OSBP: variants seen among roughly 807,000 people sequenced by gnomAD.
OSBP encodes oxysterol binding protein, also known as oxysterol-binding protein 1.
A neutral mutation model predicts 96.6 loss-of-function variants in OSBP; 32 were observed. The ratio of observed to expected loss-of-function variants is 0.33; its 90% CI spans 0.25 to 0.45. OSBP has a LOEUF of 0.45. Among genes scored for constraint, OSBP ranks in the 20% least tolerant of loss-of-function variants. OSBP has a pLI of 1.00. For missense variants in OSBP, 653 were observed against 1,029.7 expected (o/e 0.63, Z 5.01); for synonymous variants, 369 against 389.6 (o/e 0.95, Z 0.62).
At chr11:59,592,418 A>G (rs1483101303) in intron 9 of OSBP, among the ~76,000 whole-genome samples, 5 of 152,228 alleles carry the variant, frequency 3.3e-5, no homozygotes, top group Non-Finnish European at 1.5e-5. Context: ...AGGTGAATTC[A>G]TTAAAGAAGC....
At position 59,591,774 on chromosome 11, in the gene OSBP, C is replaced by A. The variant is rs182523348; in HGVS notation, c.1678+1830G>T. 1.8e-3 allele frequency among the ~76,000 whole-genome samples: 277 copies of A among 152,210 alleles called. 3 individuals carry two copies. The East Asian group carries it at 0.045, about 25-fold the overall frequency. ...TAGCTGGGATTACAGGCACCCACCA[C>A]CACGCCTGGCTAATTTTTGTATTTT... On this transcript the variant is annotated intron_variant, in intron 9 of 13. Transcript: ENST00000263847.
rs568200175 is a variant in OSBP at position 59,601,014 on chromosome 11, G to C, written c.1125-141C>G. ...GATCAAATGACGACATTTAGAGTAG[G>C]AATGAATTTAAGTATCTCTGGAGAA... On this transcript the variant is annotated intron_variant, in intron 5 of 13. Transcript: ENST00000263847. 2.2e-5 allele frequency: 15 copies of C among 690,504 alleles called. No homozygotes were observed. The African/African-American group carries it at 2.2e-4, about 10-fold the overall frequency. 42.8% of individuals were successfully genotyped at this position (690,504 alleles called of 1,614,324 possible). A position where few individuals can be genotyped will look rare whatever the true frequency, so the allele number is the denominator to read the frequency against.
At chr11:59,597,203 C>T (rs918439976) in intron 7 of OSBP, among the ~76,000 whole-genome samples, 9 of 151,918 alleles carry the variant, frequency 5.9e-5, no homozygotes, top group Non-Finnish European at 1.3e-4. Flanking sequence ...GGATTACAGA[C>T]GCGCGCCAAC....
In OSBP at chr11:59,615,222, G is replaced by T; in HGVS notation, c.362+81C>A. 4.8e-6 allele frequency: 6 copies of T among 1,239,100 alleles called. No individual in the cohort carries two copies. In the South Asian group the frequency reaches 6.2e-5, roughly 13 times the overall value. 76.8% of individuals were successfully genotyped at this position (1,239,100 alleles called of 1,614,324 possible). A position where few individuals can be genotyped will look rare whatever the true frequency, so the allele number is the denominator to read the frequency against. ...CTGGGGCAACCCTGGCTGCGGTGCCGGCTGGCGGTAATGCCGGAGCTGGGA... is the reference window on the plus strand; with the variant it reads ...CTGGGGCAACCCTGGCTGCGGTGCCTGCTGGCGGTAATGCCGGAGCTGGGA... On this transcript the variant is annotated intron_variant, in intron 1 of 13. Transcript: ENST00000263847.
rs1471509967 is a variant in OSBP, at chr11:59,576,269, G to A, written c.*308C>T. On this transcript the variant is annotated 3_prime_UTR_variant, in exon 14 of 14. Transcript: ENST00000263847. The stretch of plus-strand genomic sequence containing the variant: ...GGTGAGTGACATTGTCTTAAATGGG[G>A]GCAGAGGGAGAAAGAAGAGCCAAGA... The A allele has an allele frequency of 3.3e-5, 9 of 273,688 alleles. No individual in the cohort carries two copies. In the Admixed American group the frequency reaches 3.9e-4, roughly 12 times the overall value. 17.0% of individuals were successfully genotyped at this position (273,688 alleles called of 1,614,324 possible).
chr11:59,583,644 T>G lies in OSBP; in HGVS notation c.1679-2090A>C, dbSNP rs532245000. Among the ~76,000 whole-genome samples, 840 of 136,128 alleles carry G rather than the reference T, an allele frequency of 6.2e-3. 1 individual carries two copies. The highest frequency in any genetic ancestry group is 8.4e-3 in the Non-Finnish European group (545 of 64,562). 89.3% of individuals were successfully genotyped at this position (136,128 alleles called of 152,430 possible). On this transcript the variant is annotated intron_variant, in intron 9 of 13. Transcript: ENST00000263847. ...ATATTCTAAATCTCTGTTTTTTTTTTTTTTTTTTTTTTTTTTCGAGATGGA... is the reference window on the plus strand; with the variant it reads ...ATATTCTAAATCTCTGTTTTTTTTTGTTTTTTTTTTTTTTTTCGAGATGGA...
chr11:59,600,108 TTGTC>T (rs1860702789), intron 7 of OSBP, among the ~76,000 whole-genome samples: 1 of 152,190 alleles, frequency 6.6e-6, no homozygotes, highest in Non-Finnish European at 1.5e-5. Flanking sequence ...CCCTAAGCCT[TTGTC>T]TGTGTCGTAC....
chr11:59,592,578 C>A (rs1860598658), intron 9 of OSBP, among the ~76,000 whole-genome samples: 1 of 152,154 alleles, frequency 6.6e-6, no homozygotes, highest in Non-Finnish European at 1.5e-5. Flanking sequence ...GCTTTGATCT[C>A]TTTTTGTAGA....
intron 1 of OSBP, among the ~76,000 whole-genome samples, chr11:59,614,015 G>T (rs1027369546): frequency 1.3e-5 from 2 of 152,144 alleles, no homozygotes; most frequent in African/African-American, 4.8e-5. Context: ...AGTGTTTTGG[G>T]TCTCAAAGAG....
At chr11:59,613,455 GA>G (rs1178770464) in intron 1 of OSBP, among the ~76,000 whole-genome samples, 1 of 152,212 alleles carries the variant, frequency 6.6e-6, no homozygotes, top group African/African-American at 2.4e-5. Context: ...CTGGAAAGTG[GA>G]TCCGGTAAGA....
intron 9 of OSBP, among the ~76,000 whole-genome samples, chr11:59,587,439 T>C (rs1296933511): frequency 2.6e-5 from 4 of 151,424 alleles, no homozygotes; most frequent in Non-Finnish European, 4.4e-5. Context: ...GAGGTGGAGG[T>C]TGCAGTGAGC....
Position 59,615,716 on chromosome 11 carries a change from G to A in OSBP, c.-52C>T. ...ACCGGAACCGCCTACGAGAGCCGCC[G>A]TCGCCGCCCGGAGCGCCCCACACGG... On this transcript the variant is annotated 5_prime_UTR_variant, in exon 1 of 14. It adds an upstream start codon to the 5' untranslated region. Coordinates refer to ENST00000263847, the MANE Select transcript of OSBP (RefSeq NM_002556.3). 8.0e-7 allele frequency: 1 copy of A among 1,254,920 alleles called. No individual in the cohort carries two copies. Among genetic ancestry groups the A allele is most frequent in the Non-Finnish European group, 1.0e-6 (1 of 1,000,262 alleles). 77.7% of individuals were successfully genotyped at this position (1,254,920 alleles called of 1,614,324 possible).
intron 6 of OSBP, 58 bp downstream of exon 6, chr11:59,600,761 A>G (rs1238986576): frequency 6.5e-7 from 1 of 1,540,826 alleles, no homozygotes; most frequent in Non-Finnish European, 8.8e-7. Flanking sequence ...AAAAAAAAAA[A>G]TCCTTGGGAA....
At chr11:59,580,128 A>C in intron 11 of OSBP, 46 bp downstream of exon 11, 13 of 1,255,086 alleles carry the variant, frequency 1.0e-5, no homozygotes, top group Non-Finnish European at 1.4e-5. Context: ...ATGCTTTCTA[A>C]GAGATACATG....
chr11:59,601,000 G>C, intron 5 of OSBP, 127 bp from the exon 6 acceptor site: 1 of 760,768 alleles, frequency 1.3e-6, no homozygotes, highest in Non-Finnish European at 2.2e-6. Context: ...ATCAAATGAC[G>C]ACATTTAGAG....
At position 59,575,490 on chromosome 11, in the gene OSBP, G is replaced by C. The variant is rs1590664775; in HGVS notation, c.*1087C>G. 1.3e-5 allele frequency: 2 copies of C among 152,574 alleles called. No individual in the cohort carries two copies. Among genetic ancestry groups the C allele is most frequent in the Admixed American group, 1.3e-4 (2 of 15,286 alleles). The allele number at this position is 152,574 out of a possible 1,614,324, so 9.5% of individuals were successfully genotyped here. ...CAAAAAACAAGATTCTTAATGGGAAGGAAATCAAACCAAAAAATTAGATTT... is the reference window on the plus strand; with the variant it reads ...CAAAAAACAAGATTCTTAATGGGAACGAAATCAAACCAAAAAATTAGATTT... On this transcript the variant is annotated 3_prime_UTR_variant, in exon 14 of 14. Transcript: ENST00000263847.
intron 11 of OSBP, among the ~76,000 whole-genome samples, chr11:59,579,609 C>T (rs1453913552): frequency 6.6e-6 from 1 of 151,928 alleles, no homozygotes; most frequent in Non-Finnish European, 1.5e-5. Flanking sequence ...TTGTCAATCT[C>T]TCATTGCTCT....
intron 9 of OSBP, among the ~76,000 whole-genome samples, 200 bp from the exon 10 acceptor site, chr11:59,581,754 A>C (rs1006828319): frequency 6.6e-6 from 1 of 152,236 alleles, no homozygotes; most frequent in African/African-American, 2.4e-5. Flanking sequence ...TCAAAAATCT[A>C]TGAATAAAAC....
At chr11:59,600,433 C>G in intron 7 of OSBP, 63 bp downstream of exon 7, 1 of 1,575,576 alleles carries the variant, frequency 6.3e-7, no homozygotes, top group East Asian at 2.2e-5. Flanking sequence ...GTCATATCAG[C>G]ACTCTTCCCA....
Sources: gnomAD v4.1 joint callset for allele counts (sites outside exome capture counted in the v4.1 genomes callset) on GRCh38, gnomAD v4.1.1 for gene constraint, MANE v1.5 for transcripts, NCBI Gene and HGNC (gene_info 2026-07-23, HGNC 2026-07-21) for gene names.